SGPL1: variants seen among roughly 807,000 people sequenced by gnomAD.
SGPL1 encodes the protein SP-lyase 1.
In SGPL1, 37 loss-of-function variants were observed where a neutral mutation model predicts 68.9. The observed-to-expected ratio is 0.54, with a 90% CI of 0.41 to 0.71. SGPL1 has a LOEUF of 0.71. Ranked by LOEUF, SGPL1 falls within the 30% of genes least tolerant of loss-of-function variation. The pLI, the probability that SGPL1 is intolerant of heterozygous loss-of-function variation, is 0.00. For missense variants in SGPL1, 551 were observed against 704.6 expected (o/e 0.78, Z 2.47); for synonymous variants, 236 against 248.5 (o/e 0.95, Z 0.47).
At chr10:70,864,793 G>T (rs1846149444) in intron 7 of SGPL1, among the ~76,000 whole-genome samples, 1 of 152,166 alleles carries the variant, frequency 6.6e-6, no homozygotes, top group Admixed American at 6.5e-5. Context: ...CACTGTGGGT[G>T]CTTCCTGTCT....
At chr10:70,837,997 C>T (rs1845653393) in intron 2 of SGPL1, among the ~76,000 whole-genome samples, 1 of 152,188 alleles carries the variant, frequency 6.6e-6, no homozygotes, top group African/African-American at 2.4e-5. Context: ...TTAATATACT[C>T]ATGAGGGCAG....
chr10:70,834,685 A>G (rs975790653), intron 2 of SGPL1, among the ~76,000 whole-genome samples: 8 of 152,186 alleles, frequency 5.3e-5, no homozygotes, highest in African/African-American at 1.9e-4. Context: ...GTCATCTGGA[A>G]GTTCTGTATG....
chr10:70,829,290 A>G (rs547430862), intron 2 of SGPL1, among the ~76,000 whole-genome samples: 23 of 152,334 alleles, frequency 1.5e-4, no homozygotes, highest in Middle Eastern at 3.4e-3. Context: ...CATCTCTCTT[A>G]GAAAACTGAG....
chr10:70,877,595 C>G lies in SGPL1; in HGVS notation c.*260C>G. The G allele has an allele frequency of 2.4e-6, 1 of 410,606 alleles. No individual in the cohort carries two copies. The highest frequency in any genetic ancestry group is 4.4e-6 in the Non-Finnish European group (1 of 226,284). 25.4% of individuals were successfully genotyped at this position (410,606 alleles called of 1,614,324 possible). ...ATGTTACCCTAGGAATTGTTTTAAC[C>G]ATTTCCTTTTCTAAACTCTCTAGCT... On this transcript the variant is annotated 3_prime_UTR_variant, in exon 15 of 15. Transcript: ENST00000373202.
At chr10:70,824,000 TA>T (rs1845387994) in intron 2 of SGPL1, among the ~76,000 whole-genome samples, 1 of 152,260 alleles carries the variant, frequency 6.6e-6, no homozygotes, top group Admixed American at 6.5e-5. Flanking sequence ...CATATTTGCA[TA>T]AAATGTACTG....
chr10:70,862,831 C>A (rs1846101034), intron 7 of SGPL1, among the ~76,000 whole-genome samples: 1 of 152,206 alleles, frequency 6.6e-6, no homozygotes, highest in African/African-American at 2.4e-5. Context: ...ACCTTAAGAG[C>A]TGTAACACTC....
At chr10:70,832,786 C>G (rs776586629) in intron 2 of SGPL1, among the ~76,000 whole-genome samples, 6 of 152,182 alleles carry the variant, frequency 3.9e-5, no homozygotes, top group Non-Finnish European at 7.3e-5. Flanking sequence ...CCATATCTTA[C>G]CTACTTGCCT....
Position 70,873,524 on chromosome 10 carries a change from C to T in SGPL1, c.1233C>T (p.Phe411=), listed in dbSNP as rs201201720. Residue 411 remains phenylalanine (F), a synonymous_variant, in exon 12 of 15, where the codon TTC becomes TTT. Coordinates refer to ENST00000373202, the MANE Select transcript of SGPL1 (RefSeq NM_003901.4). ...CCTGTTGGGCTGCCTTGATGCACTT[C>T]GGTGAGAACGGCTATGTTGAAGCTA... The part of the protein sequence containing the change: ...SAACWAALMH[F]GENGYVEATK... 3.1e-5 allele frequency: 50 copies of T among 1,614,122 alleles called. No individual in the cohort carries two copies. Among genetic ancestry groups the T allele is most frequent in the South Asian group, 2.3e-4 (21 of 91,096 alleles).
chr10:70,840,175 T>C lies in SGPL1; in HGVS notation c.28-4298T>C, dbSNP rs375312543. 2.9e-4 allele frequency among the ~76,000 whole-genome samples: 44 copies of C among 152,290 alleles called. 1 individual carries two copies. The highest frequency in any genetic ancestry group is 9.9e-4 in the African/African-American group (41 of 41,574). On this transcript the variant is annotated intron_variant, in intron 2 of 14. Transcript: ENST00000373202. ...GTGTTACTCCTCTGCCCATGAATAC[T>C]GAAAATCAAGATTTGAAAGGGTACT...
Position 70,877,177 on chromosome 10 carries a change from CT to C in SGPL1, c.1567-15del. ...GGACCTGGCCTCACTAATAATGTCT[CT>C]TTCTTTGGATTTGTAGGGTGCCATC... On this transcript the variant is annotated splice_polypyrimidine_tract_variant and intron_variant, in intron 14 of 14. Transcript: ENST00000373202. 6.2e-7 allele frequency: 1 copy of C among 1,613,698 alleles called. No homozygotes were observed. Among genetic ancestry groups the C allele is most frequent in the South Asian group, 1.1e-5 (1 of 91,052 alleles).
intron 2 of SGPL1, among the ~76,000 whole-genome samples, chr10:70,826,164 G>A (rs1038587072): frequency 2.0e-5 from 3 of 152,288 alleles, no homozygotes; most frequent in African/African-American, 7.2e-5. Flanking sequence ...CAGCCTGGAC[G>A]ACAGAGTGAG....
chr10:70,860,514 T>C, intron 7 of SGPL1: 1 of 448,946 alleles, frequency 2.2e-6, no homozygotes, highest in Non-Finnish European at 4.5e-6. Context: ...ATACTGAAAC[T>C]GTTAAAAACA....
intron 2 of SGPL1, among the ~76,000 whole-genome samples, chr10:70,843,272 T>C (rs1353056917): frequency 2.6e-5 from 4 of 152,196 alleles, no homozygotes; most frequent in African/African-American, 9.7e-5. Flanking sequence ...TGTGTGTGTG[T>C]GTGTGGACAC....
chr10:70,857,482 A>G, intron 5 of SGPL1, 132 bp from the exon 6 acceptor site: 1 of 664,558 alleles, frequency 1.5e-6, no homozygotes, highest in South Asian at 1.7e-5. Context: ...TTGCTATAAG[A>G]ATGCTGTTGG....
In SGPL1 at chr10:70,877,566, A is replaced by G; in HGVS notation, c.*231A>G. 2.1e-6 allele frequency: 1 copy of G among 484,210 alleles called. No individual in the cohort carries two copies. Among genetic ancestry groups the G allele is most frequent in the Non-Finnish European group, 3.7e-6 (1 of 270,362 alleles). 30.0% of individuals were successfully genotyped at this position (484,210 alleles called of 1,614,324 possible). ...ATTACATAATGATTTTGCCCTTGTT[A>G]TAAATGTTACCCTAGGAATTGTTTT... On this transcript the variant is annotated 3_prime_UTR_variant, in exon 15 of 15. Transcript: ENST00000373202.
chr10:70,837,241 C>T (rs1468818435), intron 2 of SGPL1, among the ~76,000 whole-genome samples: 1 of 151,918 alleles, frequency 6.6e-6, no homozygotes, highest in Non-Finnish European at 1.5e-5. Flanking sequence ...CCATGCCTGG[C>T]TAATTTTTCT....
chr10:70,851,533 C>CT (rs1845881326), intron 4 of SGPL1, among the ~76,000 whole-genome samples: 1 of 152,130 alleles, frequency 6.6e-6, no homozygotes, highest in Non-Finnish European at 1.5e-5. Flanking sequence ...TGACTTAACC[C>CT]TTTCTCCAAT....
At chr10:70,845,936 C>G (rs1351883463) in intron 3 of SGPL1, among the ~76,000 whole-genome samples, 3 of 152,174 alleles carry the variant, frequency 2.0e-5, no homozygotes, top group Non-Finnish European at 4.4e-5. Flanking sequence ...TTCTGCTTTT[C>G]TTCTCTTGTT....
chr10:70,863,539 C>T (rs1358782259), intron 7 of SGPL1, among the ~76,000 whole-genome samples: 3 of 151,590 alleles, frequency 2.0e-5, no homozygotes, highest in Non-Finnish European at 4.4e-5. Flanking sequence ...CCTAGGGATT[C>T]TTTGAGGCCT....
Sources: allele counts gnomAD v4.1 joint callset (sites outside exome capture counted in the v4.1 genomes callset), GRCh38; gene constraint gnomAD v4.1.1; transcripts MANE v1.5; gene names NCBI Gene and HGNC (gene_info 2026-07-23, HGNC 2026-07-21).